The following RADIL variants were observed in gnomAD, a reference collection of about 807,000 sequenced individuals.
The protein encoded by RADIL is ras-associating and dilute domain-containing protein.
Under a neutral mutation model 97.6 loss-of-function variants are expected in RADIL, and 99 were observed. The observed-to-expected ratio is 1.01, with a 90% CI of 0.86 to 1.20. The LOEUF is 1.20. Ranked by LOEUF, RADIL falls within the 50% of genes most tolerant of loss-of-function variation. RADIL has a pLI of 0.00. For synonymous variants in RADIL, 803 were observed against 691.8 expected (o/e 1.16, Z -2.52); for missense variants, 1,765 against 1,498.9 (o/e 1.18, Z -2.93).
At chr7:4,823,678 G>A (rs1782897023) in intron 5 of RADIL, among the ~76,000 whole-genome samples, 2 of 152,200 alleles carry the variant, frequency 1.3e-5, no homozygotes. Context: ...TCCACCGTCA[G>A]GCTGGCTTCC....
At chr7:4,799,819 C>G in intron 13 of RADIL, 50 bp from the exon 14 acceptor site, 2 of 1,450,178 alleles carry the variant, frequency 1.4e-6, no homozygotes, top group Non-Finnish European at 1.8e-6. Flanking sequence ...CTGGCTGTCC[C>G]CAGCGAGGAC....
At position 4,831,742 on chromosome 7, in the gene RADIL, G is replaced by T. The variant is rs1007383511; in HGVS notation, c.1454+399C>A. On this transcript the variant is annotated intron_variant, in intron 5 of 14. Transcript: ENST00000399583. ...TAAAAGTACAAAAAAAAAAAAATTAGCCAGGCATGGTGGTGCACACCTGCA... is the reference window on the plus strand; with the variant it reads ...TAAAAGTACAAAAAAAAAAAAATTATCCAGGCATGGTGGTGCACACCTGCA... Among the ~76,000 whole-genome samples the T allele has an allele frequency of 1.9e-4, 29 of 149,742 alleles. No homozygotes were observed. In the East Asian group the frequency reaches 3.9e-3, roughly 20 times the overall value.
At chr7:4,838,357 G>C (rs1277513656) in intron 2 of RADIL, among the ~76,000 whole-genome samples, 3 of 152,254 alleles carry the variant, frequency 2.0e-5, no homozygotes, top group African/African-American at 7.2e-5. Context: ...TCCAGGGCCA[G>C]GTTGTAGGAG....
intron 9 of RADIL, chr7:4,805,978 G>C: frequency 1.0e-6 from 1 of 985,428 alleles, no homozygotes. Context: ...TCTCAAGCAA[G>C]GGCCGGCCTC....
chr7:4,815,416 AC>A lies in RADIL; in HGVS notation c.2000del (p.Gly667ValfsTer48). ...GCTGCAGGCGGGCGCAGGCCTGGAC[AC>A]CTCTGGGCCAGTGGAAGCAGCTCAG... is the stretch of plus-strand genomic sequence containing the variant. ...PSLSCFHWPR[G>X]VQACARLQQL... On this transcript the variant is annotated frameshift_variant, in exon 9 of 15. Transcript: ENST00000399583. LOFTEE classifies it high-confidence loss of function. This position sits in a 1 kb window ranked among gnomAD's most constrained non-coding sequence, Gnocchi z 8.0. 1 of 1,554,942 alleles carries A rather than the reference AC, an allele frequency of 6.4e-7. No individual in the cohort carries two copies. The highest frequency in any genetic ancestry group is 8.7e-7 in the Non-Finnish European group (1 of 1,148,648).
intron 9 of RADIL, chr7:4,809,228 G>A (rs1030885350): frequency 3.0e-6 from 3 of 985,146 alleles, no homozygotes; most frequent in Non-Finnish European, 3.6e-6. Context: ...CCCATCTCCC[G>A]CAGGGGCGCT....
chr7:4,820,042 C>T (rs1428674950), intron 6 of RADIL, among the ~76,000 whole-genome samples: 2 of 152,256 alleles, frequency 1.3e-5, no homozygotes, highest in Non-Finnish European at 2.9e-5. Flanking sequence ...CAGCCGGGGA[C>T]TCTCCAGGAA....
chr7:4,799,596 G>C, intron 14 of RADIL, 34 bp downstream of exon 14: 1 of 1,606,380 alleles, frequency 6.2e-7, no homozygotes, highest in Non-Finnish European at 8.5e-7. Context: ...GGGCATCTGG[G>C]AGAAGGGGCC....
intron 2 of RADIL, among the ~76,000 whole-genome samples, chr7:4,839,189 G>A (rs940125562): frequency 3.3e-5 from 5 of 152,124 alleles, no homozygotes; most frequent in African/African-American, 1.2e-4. Flanking sequence ...CTAAAACACC[G>A]CTGTATATAG....
chr7:4,860,265 A>G (rs753047522), intron 2 of RADIL: 3 of 1,613,934 alleles, frequency 1.9e-6, no homozygotes, highest in Admixed American at 1.7e-5. Context: ...AAATCTGTCA[A>G]TCTTCTACCT....
rs116596087 is a variant in RADIL at position 4,813,507 on chromosome 7, G to A, written c.2139+1771C>T. ...CAATTCAGGCCCCTGAAGTCTCTGAGCTTGCCTCCCTCCTGTGAGATGGCC... is the reference window on the plus strand; with the variant it reads ...CAATTCAGGCCCCTGAAGTCTCTGAACTTGCCTCCCTCCTGTGAGATGGCC... On this transcript the variant is annotated intron_variant, in intron 9 of 14. Transcript: ENST00000399583. The surrounding 1 kb of genome is among the most constrained non-coding windows in gnomAD (Gnocchi z 5.0). Among the ~76,000 whole-genome samples the A allele has an allele frequency of 0.014, 2,152 of 152,330 alleles. 52 individuals carry two copies. Among genetic ancestry groups the A allele is most frequent in the African/African-American group, 0.049 (2,050 of 41,562 alleles).
At position 4,837,843 on chromosome 7, in the gene RADIL, C is replaced by G; in HGVS notation, c.536-1238G>C. The G allele has an allele frequency of 1.0e-6, 1 of 985,438 alleles. No individual in the cohort carries two copies. The highest frequency in any genetic ancestry group is 1.2e-6 in the Non-Finnish European group (1 of 829,946). 61.0% of individuals were successfully genotyped at this position (985,438 alleles called of 1,614,324 possible). A position where few individuals can be genotyped will look rare whatever the true frequency, so the allele number is the denominator to read the frequency against. ...AAACCGCTCACCAGTCCCCAGCTGA[C>G]CCGGCGCTGTCTTTTCTGAGCCCTC... On this transcript the variant is annotated intron_variant, in intron 2 of 14. Transcript: ENST00000399583. The surrounding 1 kb of genome is among the most constrained non-coding windows in gnomAD (Gnocchi z 5.6).
rs56177809 is a variant in RADIL at position 4,847,739 on chromosome 7, C to CAAAAAAAAAAAAAAAAAAAAA, written c.536-11155_536-11135dup. On this transcript the variant is annotated intron_variant, in intron 2 of 14. Transcript: ENST00000399583. ...TATGCTACGTGAAAAAAGCTAGATG[C>CAAAAAAAAAAAAAAAAAAAAA]AAAAAAAAAAAAAAAAAAAAAAAAA... is the stretch of plus-strand genomic sequence containing the variant. Among the ~76,000 whole-genome samples the CAAAAAAAAAAAAAAAAAAAAA allele has an allele frequency of 3.4e-4, 8 of 23,794 alleles. 1 individual carries two copies. The highest frequency in any genetic ancestry group is 1.7e-3 in the East Asian group (1 of 592). 15.6% of individuals were successfully genotyped at this position (23,794 alleles called of 152,430 possible).
At chr7:4,864,221 A>G (rs966996320) in intron 2 of RADIL, among the ~76,000 whole-genome samples, 3 of 152,044 alleles carry the variant, frequency 2.0e-5, no homozygotes, top group Non-Finnish European at 4.4e-5. Context: ...TCTTTGACCT[A>G]TGGTAGCTTC....
At chr7:4,808,351 CTTA>C (rs1331477961) in intron 9 of RADIL, among the ~76,000 whole-genome samples, 6 of 151,924 alleles carry the variant, frequency 3.9e-5, no homozygotes, top group African/African-American at 1.2e-4. Context: ...TGGATACAAT[CTTA>C]TTATTATTTT....
chr7:4,806,124 G>A lies in RADIL; in HGVS notation c.2140-408C>T, dbSNP rs886295366. On this transcript the variant is annotated intron_variant, in intron 9 of 14. Coordinates refer to ENST00000399583, the MANE Select transcript of RADIL (RefSeq NM_018059.5). ...GAAGGCAGGGACATTCATCATTTAG[G>A]TGACAGGAGGCAGGGAAAACATTTG... 4 of 876,696 alleles carry A rather than the reference G, an allele frequency of 4.6e-6. No individual in the cohort carries two copies. The African/African-American group carries it at 7.3e-5, about 16-fold the overall frequency. 54.3% of individuals were successfully genotyped at this position (876,696 alleles called of 1,614,324 possible).
chr7:4,832,835 T>C (rs1037920955), intron 4 of RADIL, among the ~76,000 whole-genome samples: 3 of 151,640 alleles, frequency 2.0e-5, no homozygotes, highest in African/African-American at 7.3e-5. Flanking sequence ...GCGCGTAGAC[T>C]AAGCGTGTAT....
At chr7:4,829,951 G>A (rs891009746) in intron 5 of RADIL, among the ~76,000 whole-genome samples, 3 of 152,172 alleles carry the variant, frequency 2.0e-5, no homozygotes, top group Non-Finnish European at 4.4e-5. Flanking sequence ...TGGGAATCAC[G>A]CAAACCTCTG....
chr7:4,846,628 G>C (rs13227970), intron 2 of RADIL, among the ~76,000 whole-genome samples: 75,851 of 147,606 alleles, frequency 0.51, 21,011 homozygotes, highest in African/African-American at 0.74. Context: ...TCACTGCAAC[G>C]TCCGCCTTCC....
Sources: gnomAD v4.1 joint callset for allele counts (sites outside exome capture counted in the v4.1 genomes callset) on GRCh38, gnomAD v4.1.1 for gene constraint, Gnocchi (gnomAD v3.1) non-coding constraint, MANE v1.5 for transcripts, NCBI Gene and HGNC (gene_info 2026-07-23, HGNC 2026-07-21) for gene names.